The following CENPI variants were observed in gnomAD, a reference collection of about 807,000 sequenced individuals.
CENPI encodes the protein centromere protein I.
In CENPI, 4 loss-of-function variants were observed where a neutral mutation model predicts 60.4. The ratio of observed to expected loss-of-function variants is 0.07; its 90% CI spans 0.03 to 0.15. The LOEUF (loss-of-function observed/expected upper bound fraction) is 0.15, where lower values mean the gene tolerates loss of function less well. CENPI is among the 10% of genes least tolerant of loss of function. CENPI has a pLI of 1.00. For synonymous variants in CENPI, 157 were observed against 189.4 expected (o/e 0.83, Z 1.40); for missense variants, 444 against 534.5 (o/e 0.83, Z 1.67).
chrX:101,143,920 C>T (rs1005398607), intron 16 of CENPI, among the ~76,000 whole-genome samples: 4 of 111,584 alleles, frequency 3.6e-5, no homozygotes, highest in African/African-American at 1.3e-4. Flanking sequence ...TTCCTTCAAT[C>T]TGTGTTGCAA....
intron 4 of CENPI, among the ~76,000 whole-genome samples, chrX:101,108,211 A>G (rs2089507556): frequency 9.0e-6 from 1 of 111,185 alleles, no homozygotes; most frequent in Non-Finnish European, 1.9e-5. Context: ...AGTAACTGGG[A>G]CTATAGGCAT....
At position 101,128,772 on chromosome X, in the gene CENPI, C is replaced by G; in HGVS notation, c.1131C>G (p.Asn377Lys). The G allele has an allele frequency of 2.5e-6, 3 of 1,208,004 alleles. No homozygotes were observed. Among genetic ancestry groups the G allele is most frequent in the Middle Eastern group, 2.3e-4 (1 of 4,346 alleles). ...ACTCTCTGCTGCTTCACTACATTAA[C>G]TGTGTCAGAGATGAGCCAGTCTTGC... is the stretch of plus-strand genomic sequence containing the variant. ...LNNSLLLHYI[N>K]CVRDEPVLLR... Residue 377 changes from asparagine (N) to lysine (K), a missense_variant, in exon 12 of 22, where the codon AAC becomes AAG. By Grantham distance (94) the Asn-to-Lys change is moderately conservative (BLOSUM62 0). Transcript: ENST00000682095.
intron 15 of CENPI, among the ~76,000 whole-genome samples, chrX:101,135,668 A>C (rs1217530298): frequency 8.9e-6 from 1 of 111,981 alleles, no homozygotes; most frequent in South Asian, 3.7e-4. Context: ...ATCTTAAGGC[A>C]ATTTTTTTCC....
At chrX:101,125,029 C>T (rs2089720768) in intron 8 of CENPI, among the ~76,000 whole-genome samples, 1 of 111,345 alleles carries the variant, frequency 9.0e-6, no homozygotes, top group South Asian at 3.8e-4. Context: ...GTATCCGAGT[C>T]CAGCTTCATT....
At chrX:101,172,201 T>C in the CENPI span, among the ~76,000 whole-genome samples, 1 of 112,013 alleles carries the variant, frequency 8.9e-6, no homozygotes, top group Non-Finnish European at 1.9e-5. Flanking sequence ...CATGTATTGC[T>C]GGTTGGAACA....
chrX:101,112,826 TA>T (rs1007312754), intron 6 of CENPI, among the ~76,000 whole-genome samples: 1 of 94,162 alleles, frequency 1.1e-5, no homozygotes, highest in African/African-American at 4.2e-5. Flanking sequence ...AGGGGTCCTC[TA>T]ATTTTTTTTT....
At chrX:101,172,476 T>C in the CENPI span, among the ~76,000 whole-genome samples, 2 of 110,829 alleles carry the variant, frequency 1.8e-5, no homozygotes, top group East Asian at 5.6e-4. Flanking sequence ...AAAAAAAACA[T>C]ATATTATGAC....
intron 12 of CENPI, among the ~76,000 whole-genome samples, 187 bp from the exon 13 acceptor site, chrX:101,129,795 C>G (rs766663658): frequency 9.0e-6 from 1 of 111,726 alleles, no homozygotes; most frequent in African/African-American, 3.2e-5. Context: ...CCTATATTAC[C>G]AAGTTGTTGA....
chrX:101,100,457 C>T (rs1001668197), intron 2 of CENPI: 1 of 112,031 alleles, frequency 8.9e-6, no homozygotes, highest in African/African-American at 3.2e-5. Context: ...ACTGTGTCAC[C>T]CAGGCTGGAG....
At chrX:101,124,898 A>G (rs1377607162) in intron 8 of CENPI, among the ~76,000 whole-genome samples, 1 of 111,678 alleles carries the variant, frequency 9.0e-6, no homozygotes, top group African/African-American at 3.3e-5. Context: ...AGTTCTTTAT[A>G]GCAGTGTTAG....
At chrX:101,120,678 AC>A in intron 7 of CENPI, 59 bp from the exon 8 acceptor site, 2 of 1,045,169 alleles carry the variant, frequency 1.9e-6, no homozygotes, top group East Asian at 6.1e-5. Context: ...GTTAAATATA[AC>A]CAATTTCTTT....
intron 4 of CENPI, among the ~76,000 whole-genome samples, chrX:101,104,628 A>C (rs1231340358): frequency 9.0e-6 from 1 of 111,338 alleles, no homozygotes; most frequent in Non-Finnish European, 1.9e-5. Flanking sequence ...TGAGGGGCCA[A>C]GGCAGGATGA....
chrX:101,126,593 A>G, intron 8 of CENPI, 116 bp from the exon 9 acceptor site: 1 of 543,891 alleles, frequency 1.8e-6, no homozygotes, highest in East Asian at 3.3e-5. Flanking sequence ...ATCTTCCTAT[A>G]GCTATATCTC....
At chrX:101,135,835 C>T (rs1179147101) in intron 15 of CENPI, among the ~76,000 whole-genome samples, 1 of 111,518 alleles carries the variant, frequency 9.0e-6, no homozygotes, top group East Asian at 2.8e-4. Context: ...ATTCTCTTGA[C>T]TCAGCCTCCC....
intron 6 of CENPI, among the ~76,000 whole-genome samples, chrX:101,112,641 C>T (rs1048423688): frequency 7.5e-4 from 84 of 112,021 alleles, no homozygotes; most frequent in Non-Finnish European, 1.9e-4. Flanking sequence ...TCAATCAAAA[C>T]ATAACAGAAT....
At chrX:101,141,811 C>T (rs1043848440) in intron 16 of CENPI, among the ~76,000 whole-genome samples, 1 of 111,061 alleles carries the variant, frequency 9.0e-6, no homozygotes, top group Non-Finnish European at 1.9e-5. Flanking sequence ...TTGCTCACTG[C>T]AGCCTCGACC....
At chrX:101,179,710 C>T in the CENPI span, among the ~76,000 whole-genome samples, 4 of 111,308 alleles carry the variant, frequency 3.6e-5, no homozygotes, top group Admixed American at 3.8e-4. Flanking sequence ...TTAGTAGAGA[C>T]GGGATTTCAC....
At chrX:101,180,099 G>T in the CENPI span, among the ~76,000 whole-genome samples, 1 of 111,394 alleles carries the variant, frequency 9.0e-6, no homozygotes, top group Non-Finnish European at 1.9e-5. Flanking sequence ...TGTCTTGTTG[G>T]CCATTGTGTA....
chrX:101,132,836 G>A (rs35427920), intron 15 of CENPI, among the ~76,000 whole-genome samples: 1,903 of 111,433 alleles, frequency 0.017, 19 homozygotes, highest in South Asian at 0.041. Flanking sequence ...TTGACACTGG[G>A]AATATAGTAG....
Sources: allele counts gnomAD v4.1 joint callset (sites outside exome capture counted in the v4.1 genomes callset), GRCh38; gene constraint gnomAD v4.1.1; transcripts MANE v1.5; gene names NCBI Gene and HGNC (gene_info 2026-07-23, HGNC 2026-07-21).